SCPEP1: variants seen among roughly 807,000 people sequenced by gnomAD.
SCPEP1 encodes serine carboxypeptidase 1.
A neutral mutation model predicts 63.8 loss-of-function variants in SCPEP1; 51 were observed. The ratio of observed to expected loss-of-function variants is 0.80; its 90% confidence interval spans 0.64 to 1.01. The LOEUF (loss-of-function observed/expected upper bound fraction) is 1.01, where lower values mean the gene tolerates loss of function less well. Ranked by LOEUF, SCPEP1 falls within the 50% of genes least tolerant of loss-of-function variation. SCPEP1 has a pLI of 0.00. For synonymous variants in SCPEP1, 204 were observed against 207.8 expected (o/e 0.98, Z 0.16); for missense variants, 499 against 554.9 (o/e 0.90, Z 1.01).
chr17:56,998,314 A>AG (rs1911633173), intron 9 of SCPEP1, 71 bp from the exon 10 acceptor site: 1 of 1,107,064 alleles, frequency 9.0e-7, no homozygotes, highest in Admixed American at 2.1e-5. Context: ...TGTCTCAAAA[A>AG]AAAAAAAAAA....
chr17:56,996,885 A>G, intron 8 of SCPEP1, 77 bp from the exon 9 acceptor site: 1 of 857,164 alleles, frequency 1.2e-6, no homozygotes, highest in South Asian at 1.8e-5. Flanking sequence ...TAAGATAAAG[A>G]GCCATGTGTC....
Position 57,000,840 on chromosome 17 carries a change from C to A in SCPEP1, c.995-15C>A. ...GATTCCAAGCTACTCCCTCTTTCTCCTTCCCCATGTGCAGGCCAGGCTACC... is the reference window on the plus strand; with the variant it reads ...GATTCCAAGCTACTCCCTCTTTCTCATTCCCCATGTGCAGGCCAGGCTACC... On this transcript the variant is annotated splice_polypyrimidine_tract_variant and intron_variant, in intron 10 of 12. Transcript: ENST00000262288. The A allele has an allele frequency of 6.2e-7, 1 of 1,613,836 alleles. No individual in the cohort carries two copies. Among genetic ancestry groups the A allele is most frequent in the East Asian group, 2.2e-5 (1 of 44,886 alleles).
chr17:56,989,451 CA>C (rs1911319259), intron 5 of SCPEP1, among the ~76,000 whole-genome samples: 1 of 152,048 alleles, frequency 6.6e-6, no homozygotes, highest in Non-Finnish European at 1.5e-5. Flanking sequence ...TTGACAATGT[CA>C]ATTTTTTAAA....
Position 56,981,072 on chromosome 17 carries a change from T to G in SCPEP1, c.77-10T>G. 1 of 1,614,100 alleles carries G rather than the reference T, an allele frequency of 6.2e-7. No individual in the cohort carries two copies. Among genetic ancestry groups the G allele is most frequent in the Non-Finnish European group, 8.5e-7 (1 of 1,179,990 alleles). On this transcript the variant is annotated splice_polypyrimidine_tract_variant and intron_variant, in intron 1 of 12. Coordinates refer to ENST00000262288, the MANE Select transcript of SCPEP1 (RefSeq NM_021626.3). The stretch of plus-strand genomic sequence containing the variant: ...CTCTTCTGGAGAGTGAAATTGAACT[T>G]CTGTTTCAGGAGCTGTCATTGACTG...
Position 57,002,012 on chromosome 17 carries a change from C to T in SCPEP1, c.1133-6C>T, listed in dbSNP as rs753506710. The T allele has an allele frequency of 6.8e-6, 11 of 1,610,610 alleles. No homozygotes were observed. The East Asian group carries it at 2.2e-4, about 33-fold the overall frequency. On this transcript the variant is annotated splice_region_variant and splice_polypyrimidine_tract_variant and intron_variant, in intron 11 of 12. Coordinates refer to ENST00000262288, the MANE Select transcript of SCPEP1 (RefSeq NM_021626.3). ...GCCAGGCCTTTCTCTTTGTCCTTCTCACCAGGTCAGGAGGCCTGGGTGCGG... is the reference window on the plus strand; with the variant it reads ...GCCAGGCCTTTCTCTTTGTCCTTCTTACCAGGTCAGGAGGCCTGGGTGCGG...
At chr17:57,000,026 T>C (rs1336979562) in intron 10 of SCPEP1, among the ~76,000 whole-genome samples, 1 of 150,324 alleles carries the variant, frequency 6.7e-6, no homozygotes, top group Non-Finnish European at 1.5e-5. Flanking sequence ...GGTGTGCATC[T>C]GTAGTCTCAG....
At position 56,998,401 on chromosome 17, in the gene SCPEP1, C is replaced by T. The variant is rs1911638113; in HGVS notation, c.897C>T (p.Arg299=). The change falls in exon 10 of 13, where the codon CGC becomes CGT. Residue 299 remains arginine (R), a synonymous_variant. Transcript: ENST00000262288. ...TGGTTTTAGTTTGTCTTTGTCAGCG[C>T]CACGTGAGACACCTACAACGAGATG... ...TQSHLVCLCQ[R]HVRHLQRDAL... is the part of the protein sequence containing the mutation. 6.2e-7 allele frequency: 1 copy of T among 1,613,922 alleles called. No individual in the cohort carries two copies. The highest frequency in any genetic ancestry group is 2.2e-5 in the East Asian group (1 of 44,884).
rs1328537039 is a variant in SCPEP1, at chr17:57,000,841, T to C, written c.995-14T>C. The C allele has an allele frequency of 1.2e-6, 2 of 1,613,840 alleles. No individual in the cohort carries two copies. Among genetic ancestry groups the C allele is most frequent in the South Asian group, 2.2e-5 (2 of 91,070 alleles). ...ATTCCAAGCTACTCCCTCTTTCTCC[T>C]TCCCCATGTGCAGGCCAGGCTACCA... On this transcript the variant is annotated splice_polypyrimidine_tract_variant and intron_variant, in intron 10 of 12. Coordinates refer to ENST00000262288, the MANE Select transcript of SCPEP1 (RefSeq NM_021626.3).
chr17:56,979,988 A>G (rs1337942305), intron 1 of SCPEP1, among the ~76,000 whole-genome samples: 3 of 152,166 alleles, frequency 2.0e-5, no homozygotes, highest in African/African-American at 7.2e-5. Context: ...TATAGTGTTG[A>G]GAGGACCTAA....
chr17:56,986,250 C>T (rs1489699024), intron 3 of SCPEP1, among the ~76,000 whole-genome samples: 2 of 149,258 alleles, frequency 1.3e-5, no homozygotes, highest in Non-Finnish European at 3.0e-5. Context: ...AATGGAATGT[C>T]CCTCCGTCAC....
In SCPEP1 at chr17:57,006,269, T is replaced by C. The variant is rs199711209; in HGVS notation, c.*34T>C. The C allele has an allele frequency of 6.9e-6, 11 of 1,585,536 alleles. No individual in the cohort carries two copies. The African/African-American group carries it at 1.1e-4, about 16-fold the overall frequency. ...GGGCTGGAGATGAGCTGGTTTGGCC[T>C]TGGGGCACAGAGCTGAGCTGAGGCC... On this transcript the variant is annotated 3_prime_UTR_variant, in exon 13 of 13. Transcript: ENST00000262288.
intron 12 of SCPEP1, 94 bp from the exon 13 acceptor site, chr17:57,006,079 C>A: frequency 1.0e-6 from 1 of 963,436 alleles, no homozygotes; most frequent in South Asian, 1.7e-5. Flanking sequence ...ACAGAGCTGG[C>A]TCCCTTTTGG....
intron 8 of SCPEP1, 148 bp from the exon 9 acceptor site, chr17:56,996,814 C>T (rs1201431671): frequency 5.8e-6 from 3 of 514,404 alleles, no homozygotes; most frequent in Non-Finnish European, 1.0e-5. Flanking sequence ...CCACCAGGCC[C>T]AGCCAAAGCT....
At chr17:57,001,893 A>T in intron 11 of SCPEP1, 125 bp from the exon 12 acceptor site, 1 of 1,002,314 alleles carries the variant, frequency 1.0e-6, no homozygotes, top group Non-Finnish European at 1.5e-6. Flanking sequence ...TTTGCATTTT[A>T]ACAAGATCCT....
Position 56,995,523 on chromosome 17 carries a change from A to G in SCPEP1, c.674A>G (p.Lys225Arg). The G allele has an allele frequency of 1.2e-6, 2 of 1,613,112 alleles. No individual in the cohort carries two copies. The highest frequency in any genetic ancestry group is 1.7e-6 in the Non-Finnish European group (2 of 1,179,734). The change falls in exon 8 of 13, where the codon AAA becomes AGA. Residue 225 changes from lysine (K) to arginine (R), a missense_variant. Transcript: ENST00000262288. ...GCATTCCAGTCTCTTCTCGAAGACA[A>G]AGGTCTGGCAGAGGTGTCTAAGGTT... ...YLYSMSLLED[K>R]GLAEVSKVAE...
At chr17:56,983,372 C>T (rs1228604398) in intron 2 of SCPEP1, 1 of 152,178 alleles carries the variant, frequency 6.6e-6, no homozygotes, top group African/African-American at 2.4e-5. Context: ...TGCTTTGATC[C>T]TACCTCATCC....
In SCPEP1 at chr17:56,978,165, G is replaced by A; in HGVS notation, c.6G>A (p.Glu2=). 6.9e-7 allele frequency: 1 copy of A among 1,458,396 alleles called. No individual in the cohort carries two copies. Among genetic ancestry groups the A allele is most frequent in the East Asian group, 2.3e-5 (1 of 43,270 alleles). 90.3% of individuals were successfully genotyped at this position (1,458,396 alleles called of 1,614,324 possible). Residue 2 remains glutamate, a synonymous_variant, in exon 1 of 13, where the codon GAG becomes GAA. Transcript: ENST00000262288. M[E]LALRRSPVPR... ...GCTGCCGTGCGGTACTTGTCATGGA[G>A]CTGGCACTGCGGCGCTCTCCCGTCC...
intron 8 of SCPEP1, 152 bp downstream of exon 8, chr17:56,995,787 A>G (rs2144498128): frequency 2.4e-6 from 2 of 816,384 alleles, no homozygotes; most frequent in Non-Finnish European, 3.4e-6. Context: ...TCTTGGGTCT[A>G]AGCAGTGATG....
At chr17:56,979,798 T>C (rs914657768) in intron 1 of SCPEP1, among the ~76,000 whole-genome samples, 2 of 152,220 alleles carry the variant, frequency 1.3e-5, no homozygotes, top group African/African-American at 2.4e-5. Context: ...TTTTGTTGTA[T>C]AGAAATATAA....
Sources: allele counts gnomAD v4.1 joint callset (sites outside exome capture counted in the v4.1 genomes callset), GRCh38; gene constraint gnomAD v4.1.1; transcripts MANE v1.5; gene names NCBI Gene and HGNC (gene_info 2026-07-23, HGNC 2026-07-21).